Variants in WDSUB1 observed in about 807,000 individuals in gnomAD.
WDSUB1 encodes WD repeat, SAM and U-box domain-containing protein 1.
A neutral mutation model predicts 53.9 loss-of-function variants in WDSUB1; 49 were observed. The observed-to-expected ratio is 0.91, with a 90% CI of 0.72 to 1.15. WDSUB1 has a LOEUF of 1.15. Ranked by LOEUF, WDSUB1 falls within the 50% of genes most tolerant of loss-of-function variation. WDSUB1 has a pLI of 0.00. For synonymous variants in WDSUB1, 194 were observed against 200.6 expected (o/e 0.97, Z 0.28); for missense variants, 514 against 562.0 (o/e 0.91, Z 0.86).
At chr2:159,285,969 T>C (rs2061785800) in intron 1 of WDSUB1, among the ~76,000 whole-genome samples, 1 of 152,112 alleles carries the variant, frequency 6.6e-6, no homozygotes. Flanking sequence ...CCCAGCCCTC[T>C]GCCGCACTCA....
intron 10 of WDSUB1, 73 bp from the exon 11 acceptor site, chr2:159,236,263 T>A: frequency 6.9e-7 from 1 of 1,445,322 alleles, no homozygotes. Flanking sequence ...GAAGTGAATG[T>A]AAAAACTCCC....
intron 4 of WDSUB1, among the ~76,000 whole-genome samples, chr2:159,274,827 A>C (rs2061507527): frequency 6.6e-6 from 1 of 152,196 alleles, no homozygotes. Context: ...ACAGAAGGGA[A>C]CTTAAAGCAA....
At chr2:159,277,953 T>C (rs924040847) in intron 3 of WDSUB1, among the ~76,000 whole-genome samples, 2 of 152,216 alleles carry the variant, frequency 1.3e-5, no homozygotes, top group Non-Finnish European at 2.9e-5. Context: ...GAATCTCACC[T>C]AGAATTCTCT....
chr2:159,257,714 G>T, intron 8 of WDSUB1, 44 bp downstream of exon 8: 1 of 1,536,850 alleles, frequency 6.5e-7, no homozygotes. Context: ...TGACCCTAAT[G>T]GTGAGTGGGG....
chr2:159,267,980 T>C (rs552430375), intron 5 of WDSUB1, among the ~76,000 whole-genome samples: 3 of 152,372 alleles, frequency 2.0e-5, no homozygotes, highest in Admixed American at 2.0e-4. Flanking sequence ...AAGCACTTGA[T>C]AATGTAAACT....
At chr2:159,244,451 A>C (rs1332723593) in intron 10 of WDSUB1, among the ~76,000 whole-genome samples, 1 of 151,740 alleles carries the variant, frequency 6.6e-6, no homozygotes, top group Non-Finnish European at 1.5e-5. Flanking sequence ...TGTATTGGGC[A>C]TAAGTAAGCT....
At chr2:159,270,433 G>C (rs2061424602) in intron 5 of WDSUB1, among the ~76,000 whole-genome samples, 1 of 126,400 alleles carries the variant, frequency 7.9e-6, no homozygotes, top group African/African-American at 2.5e-5. Flanking sequence ...TCAATAGCTA[G>C]GAATAGACAA....
chr2:159,247,912 T>TAA (rs1553626860), intron 10 of WDSUB1, among the ~76,000 whole-genome samples: 4 of 72,226 alleles, frequency 5.5e-5, no homozygotes, highest in African/African-American at 2.7e-4. Flanking sequence ...TATATATAAA[T>TAA]ATATATATAT....
At chr2:159,275,662 C>T (rs933659752) in intron 3 of WDSUB1, 24 bp from the exon 4 acceptor site, 9 of 1,551,954 alleles carry the variant, frequency 5.8e-6, no homozygotes, top group African/African-American at 1.4e-5. Flanking sequence ...AAAATAAATA[C>T]AGAGAATTTG....
intron 3 of WDSUB1, 92 bp from the exon 4 acceptor site, chr2:159,275,730 A>T: frequency 1.1e-6 from 1 of 913,364 alleles, no homozygotes; most frequent in Non-Finnish European, 1.6e-6. Context: ...TATTAATTCT[A>T]CTCATTTAAA....
At chr2:159,276,852 T>A (rs1481850431) in intron 3 of WDSUB1, among the ~76,000 whole-genome samples, 2 of 152,076 alleles carry the variant, frequency 1.3e-5, no homozygotes, top group Non-Finnish European at 2.9e-5. Context: ...AAAATTTTTT[T>A]AAATTAGCCG....
intron 10 of WDSUB1, among the ~76,000 whole-genome samples, chr2:159,244,654 G>A (rs968058920): frequency 1.3e-5 from 2 of 152,188 alleles, no homozygotes; most frequent in African/African-American, 2.4e-5. Context: ...GCCAGGCTCA[G>A]TGGCTCACAC....
At chr2:159,260,192 C>A (rs1043073400) in intron 5 of WDSUB1, among the ~76,000 whole-genome samples, 1 of 152,048 alleles carries the variant, frequency 6.6e-6, no homozygotes, top group Admixed American at 6.6e-5. Context: ...GTAATCCCAT[C>A]TCCTTGGTAA....
intron 1 of WDSUB1, among the ~76,000 whole-genome samples, chr2:159,286,090 G>A (rs2061790265): frequency 6.6e-6 from 1 of 152,072 alleles, no homozygotes; most frequent in Non-Finnish European, 1.5e-5. Context: ...CCTTGGGGTA[G>A]GGGGGGCGGT....
intron 1 of WDSUB1, among the ~76,000 whole-genome samples, chr2:159,284,746 C>T (rs1184144593): frequency 6.6e-6 from 1 of 152,204 alleles, no homozygotes; most frequent in Non-Finnish European, 1.5e-5. Flanking sequence ...TCATGGCAAA[C>T]AAAATCCTAT....
Position 159,279,762 on chromosome 2 carries a change from A to C in WDSUB1, c.582T>G (p.Ser194=), listed in dbSNP as rs1416977856. The part of the protein sequence containing the change: ...TCCDFSSQPV[S]DGEQGLQFFR... ...GCTTAAAAGAATAAAATAACCAACC[A>C]GAAACTGGCTGTGAAGAAAAATCGC... The change falls in exon 3 of 11, where the codon TCT becomes TCG. Residue 194 remains serine (S), a splice_region_variant and synonymous_variant. Coordinates refer to ENST00000359774, the MANE Select transcript of WDSUB1 (RefSeq NM_001128212.3). The C allele has an allele frequency of 1.2e-6, 2 of 1,602,134 alleles. No individual in the cohort carries two copies. Among genetic ancestry groups the C allele is most frequent in the Non-Finnish European group, 1.7e-6 (2 of 1,173,542 alleles).
At chr2:159,277,892 G>A (rs1346688705) in intron 3 of WDSUB1, among the ~76,000 whole-genome samples, 1 of 152,114 alleles carries the variant, frequency 6.6e-6, no homozygotes, top group Non-Finnish European at 1.5e-5. Flanking sequence ...TATACCGAGA[G>A]AAGTGTATAA....
rs370000755 is a variant in WDSUB1 at position 159,249,911 on chromosome 2, C to CA, written c.1133-1400dup. ...CAAAACCCCATCTCTATTAAAAATA[C>CA]AAAAAAAAAAAAGAAAGAAAGAAAA... On this transcript the variant is annotated intron_variant, in intron 9 of 10. Transcript: ENST00000359774. 2.3e-3 allele frequency among the ~76,000 whole-genome samples: 304 copies of CA among 131,060 alleles called. 1 individual carries two copies. The highest frequency in any genetic ancestry group is 7.7e-3 in the South Asian group (32 of 4,142). The allele number at this position is 131,060 out of a possible 152,430, so 86.0% of individuals were successfully genotyped here.
At chr2:159,250,631 G>A (rs772771861) in intron 9 of WDSUB1, among the ~76,000 whole-genome samples, 4 of 152,204 alleles carry the variant, frequency 2.6e-5, no homozygotes, top group African/African-American at 4.8e-5. Flanking sequence ...AGGGTTAGCT[G>A]AGCTGTATTT....
Sources: allele counts gnomAD v4.1 joint callset (sites outside exome capture counted in the v4.1 genomes callset), GRCh38; gene constraint gnomAD v4.1.1; transcripts MANE v1.5; gene names NCBI Gene and HGNC (gene_info 2026-07-23, HGNC 2026-07-21).